The following SLIT3 variants were observed in gnomAD, a reference collection of about 807,000 sequenced individuals.
The protein encoded by SLIT3 is slit guidance ligand 3.
In SLIT3, 68 loss-of-function variants were observed where a neutral mutation model predicts 184.0. The observed-to-expected ratio is 0.37, with a 90% CI of 0.30 to 0.45. SLIT3 has a LOEUF of 0.45. SLIT3 is among the 20% of genes least tolerant of loss of function. The pLI is 1.00. For missense variants in SLIT3, 1,707 were observed against 2,026.0 expected, an observed-to-expected ratio of 0.84 and a Z score of 3.02; for synonymous variants, 831 against 828.6, an observed-to-expected ratio of 1.00 and a Z score of -0.05.
At chr5:168,945,302 C>T (rs933385980) in intron 4 of SLIT3, among the ~76,000 whole-genome samples, 6 of 151,180 alleles carry the variant, frequency 4.0e-5, no homozygotes, top group Admixed American at 6.6e-5. Context: ...TGTGCAGTGG[C>T]GCAATGCTCA....
intron 4 of SLIT3, among the ~76,000 whole-genome samples, chr5:168,932,603 C>T (rs1001392392): frequency 5.3e-5 from 8 of 152,250 alleles, no homozygotes; most frequent in South Asian, 4.1e-4. Context: ...AGGGACACCC[C>T]GTGGGGCAGC....
intron 4 of SLIT3, chr5:169,024,660 T>C (rs1296509358): frequency 6.6e-6 from 1 of 151,982 alleles, no homozygotes; most frequent in African/African-American, 2.4e-5. Context: ...GGGAACGGAG[T>C]GTGACACACA....
At chr5:168,760,009 C>CA (rs1755089030) in intron 16 of SLIT3, among the ~76,000 whole-genome samples, 1 of 152,196 alleles carries the variant, frequency 6.6e-6, no homozygotes, top group Non-Finnish European at 1.5e-5. Context: ...GCCAGCCTCA[C>CA]ACTAGCATGA....
intron 1 of SLIT3, among the ~76,000 whole-genome samples, chr5:169,278,353 T>G (rs1766885114): frequency 6.6e-6 from 1 of 152,232 alleles, no homozygotes; most frequent in Non-Finnish European, 1.5e-5. Flanking sequence ...TAGAGTGTTG[T>G]GACTAAGAAA....
chr5:169,051,990 A>C (rs974994126), intron 4 of SLIT3, among the ~76,000 whole-genome samples: 4 of 152,142 alleles, frequency 2.6e-5, no homozygotes, highest in Non-Finnish European at 5.9e-5. Context: ...ACTTCACAGG[A>C]CCAGAAGGAA....
chr5:168,775,787 T>G (rs1755725419), intron 12 of SLIT3, among the ~76,000 whole-genome samples: 1 of 152,178 alleles, frequency 6.6e-6, no homozygotes. Flanking sequence ...AAGCTGTTTT[T>G]AGCTCTTCAG....
intron 4 of SLIT3, among the ~76,000 whole-genome samples, chr5:169,156,028 C>G (rs1762293748): frequency 6.6e-6 from 1 of 152,188 alleles, no homozygotes; most frequent in African/African-American, 2.4e-5. Context: ...TTCAAAGGTT[C>G]CACAGAAAGT....
intron 5 of SLIT3, among the ~76,000 whole-genome samples, chr5:168,860,911 A>G (rs967838658): frequency 2.6e-5 from 4 of 152,118 alleles, no homozygotes; most frequent in South Asian, 2.1e-4. Context: ...GCGGCCCTGC[A>G]TGACATGCTG....
chr5:168,831,145 C>G (rs1038834592), intron 6 of SLIT3, among the ~76,000 whole-genome samples: 1 of 152,216 alleles, frequency 6.6e-6, no homozygotes, highest in African/African-American at 2.4e-5. Flanking sequence ...AGCCTAGTGG[C>G]CCTTACTGTT....
chr5:168,776,580 G>C (rs1273362587), intron 12 of SLIT3, among the ~76,000 whole-genome samples: 1 of 152,184 alleles, frequency 6.6e-6, no homozygotes, highest in Non-Finnish European at 1.5e-5. Context: ...TATGATAATT[G>C]AGGTCTCTAG....
intron 3 of SLIT3, among the ~76,000 whole-genome samples, chr5:169,207,161 C>G (rs1458937146): frequency 6.6e-6 from 1 of 151,906 alleles, no homozygotes; most frequent in Non-Finnish European, 1.5e-5. Context: ...CTCGCTCACT[C>G]CCACCTCAGG....
At chr5:168,911,236 A>G (rs1015227804) in intron 4 of SLIT3, among the ~76,000 whole-genome samples, 17 of 152,328 alleles carry the variant, frequency 1.1e-4, no homozygotes, top group African/African-American at 3.9e-4. Flanking sequence ...AGATATATGT[A>G]TGTTAAACTC....
At chr5:169,256,567 G>A (rs891280076) in intron 1 of SLIT3, among the ~76,000 whole-genome samples, 3 of 152,226 alleles carry the variant, frequency 2.0e-5, no homozygotes, top group Non-Finnish European at 4.4e-5. Context: ...GTACCAAAGT[G>A]ACCACTGTGT....
chr5:168,783,674 T>C (rs1208277979), intron 12 of SLIT3, among the ~76,000 whole-genome samples: 1 of 152,188 alleles, frequency 6.6e-6, no homozygotes, highest in Non-Finnish European at 1.5e-5. Context: ...AGCCTTCTTA[T>C]CAGTGTCTCC....
At chr5:169,075,555 T>C (rs1419808884) in intron 4 of SLIT3, among the ~76,000 whole-genome samples, 2 of 152,164 alleles carry the variant, frequency 1.3e-5, no homozygotes, top group African/African-American at 2.4e-5. Flanking sequence ...ATTTTAGCTA[T>C]GCTGGAGTGG....
chr5:169,189,572 A>ATATATG (rs1246824391), intron 4 of SLIT3, among the ~76,000 whole-genome samples: 4 of 90,588 alleles, frequency 4.4e-5, no homozygotes, highest in African/African-American at 1.8e-4. Context: ...ATATATATAT[A>ATATATG]TATATATGCA....
At chr5:169,119,728 C>G (rs1760813206) in intron 4 of SLIT3, 2 of 145,526 alleles carry the variant, frequency 1.4e-5, no homozygotes. Flanking sequence ...CTCTGTGGGT[C>G]TCCTGTCTTC....
At chr5:168,846,288 G>A (rs936030816) in intron 5 of SLIT3, among the ~76,000 whole-genome samples, 5 of 152,124 alleles carry the variant, frequency 3.3e-5, no homozygotes, top group South Asian at 2.1e-4. Context: ...TTCAGTTGGC[G>A]AGTTCTGTAT....
intron 6 of SLIT3, among the ~76,000 whole-genome samples, chr5:168,830,526 T>G (rs1459778342): frequency 1.3e-5 from 2 of 152,244 alleles, no homozygotes; most frequent in Non-Finnish European, 2.9e-5. Flanking sequence ...GATATCGCTT[T>G]GAAGCTTGCC....
Sources: gnomAD v4.1 joint callset for allele counts (sites outside exome capture counted in the v4.1 genomes callset) on GRCh38, gnomAD v4.1.1 for gene constraint, MANE v1.5 for transcripts, NCBI Gene and HGNC (gene_info 2026-07-23, HGNC 2026-07-21) for gene names.